Variants in DRAXIN observed in about 807,000 individuals in gnomAD.
DRAXIN encodes dorsal repulsive axon guidance protein.
DRAXIN carries 27 observed loss-of-function variants against 33.9 expected under a neutral mutation model. The ratio of observed to expected loss-of-function variants is 0.80; its 90% CI spans 0.59 to 1.10. The LOEUF is 1.10. Ranked by LOEUF, DRAXIN falls within the 50% of genes least tolerant of loss-of-function variation. DRAXIN has a pLI of 0.00. For missense variants in DRAXIN, 371 were observed against 460.8 expected (o/e 0.81, Z 1.78); for synonymous variants, 178 against 194.0 (o/e 0.92, Z 0.69).
chr1:11,724,470 C>T lies in DRAXIN; in HGVS notation c.*4774C>T, dbSNP rs527581369. The T allele has an allele frequency of 6.6e-6, 1 of 152,438 alleles. No individual in the cohort carries two copies. The highest frequency in any genetic ancestry group is 6.5e-5 in the Admixed American group (1 of 15,308). 9.4% of individuals were successfully genotyped at this position (152,438 alleles called of 1,614,324 possible). The stretch of plus-strand genomic sequence containing the variant: ...TGGGAATAGGCTGAGCATGCAATGA[C>T]ATGAGGGCCAAGGCTTGTGGGAAAA... On this transcript the variant is annotated 3_prime_UTR_variant, in exon 7 of 7. Transcript: ENST00000294485.
At position 11,692,562 on chromosome 1, in the gene DRAXIN, G is replaced by T. The variant is rs1456156205; in HGVS notation, c.-11+709G>T. The stretch of plus-strand genomic sequence containing the variant: ...GCCGGCTTTTGGCTTTTCTCCGTCC[G>T]CTCGTCAAGGGTCTCAGCCGCCTTC... On this transcript the variant is annotated intron_variant, in intron 1 of 6. Transcript: ENST00000294485. This position sits in a 1 kb window ranked among gnomAD's most constrained non-coding sequence, Gnocchi z 5.8. Among the ~76,000 whole-genome samples, 1 of 152,184 alleles carries T rather than the reference G, an allele frequency of 6.6e-6. No homozygotes were observed. The highest frequency in any genetic ancestry group is 1.5e-5 in the Non-Finnish European group (1 of 68,036).
At position 11,719,922 on chromosome 1, in the gene DRAXIN, C is replaced by T. The variant is rs1395778954; in HGVS notation, c.*226C>T. 1 of 525,686 alleles carries T rather than the reference C, an allele frequency of 1.9e-6. No individual in the cohort carries two copies. Among genetic ancestry groups the T allele is most frequent in the Non-Finnish European group, 3.5e-6 (1 of 287,078 alleles). The allele number at this position is 525,686 out of a possible 1,614,324, so 32.6% of individuals were successfully genotyped here. ...CACGAAGTCCGGACCCACGCAGCCT[C>T]CATCCCGCGTGTCTTGCTCTCCGCG... On this transcript the variant is annotated 3_prime_UTR_variant, in exon 7 of 7. Coordinates refer to ENST00000294485, the MANE Select transcript of DRAXIN (RefSeq NM_198545.4).
Position 11,722,171 on chromosome 1 carries a change from C to G in DRAXIN, c.*2475C>G, listed in dbSNP as rs975371538. 1 of 152,238 alleles carries G rather than the reference C, an allele frequency of 6.6e-6. No individual in the cohort carries two copies. 9.4% of individuals were successfully genotyped at this position (152,238 alleles called of 1,614,324 possible). On this transcript the variant is annotated 3_prime_UTR_variant, in exon 7 of 7. Coordinates refer to ENST00000294485, the MANE Select transcript of DRAXIN (RefSeq NM_198545.4). Reference sequence around the variant, plus strand: ...AGGCAGATCTGCCAGCAGCTTCGTACTTGAGACCAGACAACCCACACATGC... The same window carrying G: ...AGGCAGATCTGCCAGCAGCTTCGTAGTTGAGACCAGACAACCCACACATGC...
At chr1:11,708,938 C>A (rs889521609) in intron 2 of DRAXIN, among the ~76,000 whole-genome samples, 1 of 152,306 alleles carries the variant, frequency 6.6e-6, no homozygotes, top group Admixed American at 6.5e-5. Flanking sequence ...TCCAGGAAGC[C>A]TTCCATGGTT....
At chr1:11,712,013 C>G (rs753562785) in intron 4 of DRAXIN, 48 bp downstream of exon 4, 10 of 1,556,048 alleles carry the variant, frequency 6.4e-6, no homozygotes, top group Non-Finnish European at 8.8e-6. Flanking sequence ...GCCCTGCCCT[C>G]CCGCACCATC....
chr1:11,707,113 A>G (rs1233353200), intron 2 of DRAXIN, among the ~76,000 whole-genome samples: 2 of 152,152 alleles, frequency 1.3e-5, no homozygotes, highest in Non-Finnish European at 2.9e-5. Context: ...AGGCAGGAGA[A>G]TGGTGTGAAC....
intron 5 of DRAXIN, among the ~76,000 whole-genome samples, chr1:11,713,606 A>T (rs6704164): frequency 0.038 from 5,735 of 152,174 alleles, 364 homozygotes; most frequent in African/African-American, 0.13. Context: ...TAGAAGTGTG[A>T]GACCGGGTGC....
rs1355714549 is a variant in DRAXIN at position 11,723,702 on chromosome 1, C to T, written c.*4006C>T. ...CTGCCTCCTGGGTACAAGTGATTCT[C>T]CCGCCTCAGCCTCTCGCGTACCTGG... On this transcript the variant is annotated 3_prime_UTR_variant, in exon 7 of 7. Transcript: ENST00000294485. The T allele has an allele frequency of 1.3e-5, 2 of 151,910 alleles. No homozygotes were observed. Among genetic ancestry groups the T allele is most frequent in the African/African-American group, 2.4e-5 (1 of 41,336 alleles). 9.4% of individuals were successfully genotyped at this position (151,910 alleles called of 1,614,324 possible). A position where few individuals can be genotyped will look rare whatever the true frequency, so the allele number is the denominator to read the frequency against.
At chr1:11,702,647 C>T (rs906577167) in intron 1 of DRAXIN, among the ~76,000 whole-genome samples, 1 of 151,782 alleles carries the variant, frequency 6.6e-6, no homozygotes, top group Non-Finnish European at 1.5e-5. Flanking sequence ...CACACATGCT[C>T]CACACACACG....
In DRAXIN at chr1:11,706,351, G is replaced by A. The variant is rs2100736823; in HGVS notation, c.93G>A (p.Gly31=). 2 of 1,613,888 alleles carry A rather than the reference G, an allele frequency of 1.2e-6. No individual in the cohort carries two copies. Among genetic ancestry groups the A allele is most frequent in the Non-Finnish European group, 1.7e-6 (2 of 1,180,024 alleles). The change falls in exon 2 of 7, where the codon GGG becomes GGA. Residue 31 remains glycine, a synonymous_variant. Coordinates refer to ENST00000294485, the MANE Select transcript of DRAXIN (RefSeq NM_198545.4). The surrounding 1 kb of genome is among the most constrained non-coding windows in gnomAD (Gnocchi z 5.5). ...ELSLAGALAP[G]TPARNLPENH... is the part of the protein sequence containing the mutation. ...GCCTGGCAGGCGCCCTTGCACCTGG[G>A]ACCCCTGCCCGGAACCTCCCTGAGA... is the stretch of plus-strand genomic sequence containing the variant.
intron 5 of DRAXIN, among the ~76,000 whole-genome samples, 195 bp downstream of exon 5, chr1:11,712,624 C>A (rs1641511967): frequency 6.6e-6 from 1 of 152,228 alleles, no homozygotes; most frequent in Non-Finnish European, 1.5e-5. Flanking sequence ...CACAGCCAGG[C>A]ACGGTGGCTC....
At chr1:11,719,140 G>A (rs1425052673) in intron 6 of DRAXIN, among the ~76,000 whole-genome samples, 1 of 152,180 alleles carries the variant, frequency 6.6e-6, no homozygotes, top group South Asian at 2.1e-4. Context: ...CTGACCTCAA[G>A]TGATCCACCT....
Position 11,694,188 on chromosome 1 carries a change from G to GCTT in DRAXIN, c.-11+2336_-11+2338dup, listed in dbSNP as rs1329529930. ...CTGGGTGGGGGCTGGGTCTCCTTCT[G>GCTT]CTTGTGGTCCCAGTGCCTGGCACGC... On this transcript the variant is annotated intron_variant, in intron 1 of 6. Coordinates refer to ENST00000294485, the MANE Select transcript of DRAXIN (RefSeq NM_198545.4). This position sits in a 1 kb window ranked among gnomAD's most constrained non-coding sequence, Gnocchi z 4.9. 1.3e-5 allele frequency among the ~76,000 whole-genome samples: 2 copies of GCTT among 152,076 alleles called. No individual in the cohort carries two copies. Among genetic ancestry groups the GCTT allele is most frequent in the East Asian group, 3.9e-4 (2 of 5,172 alleles).
At chr1:11,710,624 A>G (rs946632178) in intron 3 of DRAXIN, among the ~76,000 whole-genome samples, 10 of 152,060 alleles carry the variant, frequency 6.6e-5, no homozygotes, top group Non-Finnish European at 1.5e-4. Flanking sequence ...TGGCTTTTAA[A>G]GGTTTTCAGG....
intron 1 of DRAXIN, among the ~76,000 whole-genome samples, chr1:11,697,373 C>T (rs990643544): frequency 1.3e-5 from 2 of 152,212 alleles, no homozygotes; most frequent in African/African-American, 4.8e-5. Flanking sequence ...GTTCTGGGAC[C>T]CTCCCAAGGC....
chr1:11,714,675 C>T (rs887643854), intron 5 of DRAXIN, among the ~76,000 whole-genome samples: 14 of 152,242 alleles, frequency 9.2e-5, no homozygotes, highest in African/African-American at 2.9e-4. Context: ...AGAAAAGGCC[C>T]GCATTTGGGC....
chr1:11,700,048 C>A (rs1641249291), intron 1 of DRAXIN, among the ~76,000 whole-genome samples: 1 of 152,102 alleles, frequency 6.6e-6, no homozygotes, highest in South Asian at 2.1e-4. Context: ...ACCAGCCTGA[C>A]CAACATGGTG....
chr1:11,707,840 G>C (rs1272865395), intron 2 of DRAXIN, among the ~76,000 whole-genome samples: 1 of 152,198 alleles, frequency 6.6e-6, no homozygotes, highest in Admixed American at 6.5e-5. Flanking sequence ...GCTCCAGTCA[G>C]GTGGCTCCTC....
Position 11,691,723 on chromosome 1 carries a change from C to T in DRAXIN, c.-141C>T, listed in dbSNP as rs548740807. ...CCCCTTCCTTCCAGTCCCGCTCAGC[C>T]CGGGCACATCCTCCGGCTGCCCGCG... On this transcript the variant is annotated 5_prime_UTR_variant, in exon 1 of 7. Transcript: ENST00000294485. 0.02 allele frequency: 3,049 copies of T among 150,086 alleles called. 99 individuals are homozygous for T. Among genetic ancestry groups the T allele is most frequent in the African/African-American group, 0.07 (2,852 of 40,890 alleles). 9.3% of individuals were successfully genotyped at this position (150,086 alleles called of 1,614,324 possible).
Sources: gnomAD v4.1 joint callset for allele counts (sites outside exome capture counted in the v4.1 genomes callset) on GRCh38, gnomAD v4.1.1 for gene constraint, Gnocchi (gnomAD v3.1) non-coding constraint, MANE v1.5 for transcripts, NCBI Gene and HGNC (gene_info 2026-07-23, HGNC 2026-07-21) for gene names.